The following PKN3 variants were observed in gnomAD, a reference collection of about 807,000 sequenced individuals.
PKN3 encodes the protein protein kinase N3.
In PKN3, 91 loss-of-function variants were observed where a neutral mutation model predicts 113.1. The observed-to-expected ratio is 0.80, with a 90% confidence interval of 0.68 to 0.96. The LOEUF (loss-of-function observed/expected upper bound fraction) is 0.96, where lower values mean the gene tolerates loss of function less well. Ranked by LOEUF, PKN3 falls within the 40% of genes least tolerant of loss-of-function variation. PKN3 has a pLI of 0.00. For synonymous variants in PKN3, 467 were observed against 499.0 expected (o/e 0.94, Z 0.85); for missense variants, 1,052 against 1,202.2 (o/e 0.88, Z 1.85).
chr9:128,712,398 C>CAACGG (rs1434067610), intron 6 of PKN3, among the ~76,000 whole-genome samples: 1 of 152,190 alleles, frequency 6.6e-6, no homozygotes, highest in Non-Finnish European at 1.5e-5. Context: ...AGTGACGTGA[C>CAACGG]ACATGAACTT....
chr9:128,703,586 T>A, intron 1 of PKN3: 1 of 984,240 alleles, frequency 1.0e-6, no homozygotes, highest in South Asian at 4.7e-5. Context: ...GAGGGAGAGG[T>A]GGTGTCCTGT....
rs545706908 is a variant in PKN3 at position 128,715,740 on chromosome 9, G to A, written c.1808+280G>A. Among the ~76,000 whole-genome samples, 72 of 152,278 alleles carry A rather than the reference G, an allele frequency of 4.7e-4. 1 individual carries two copies. The highest frequency in any genetic ancestry group is 3.4e-3 in the Middle Eastern group (1 of 294). On this transcript the variant is annotated intron_variant, in intron 15 of 21. Coordinates refer to ENST00000291906, the MANE Select transcript of PKN3 (RefSeq NM_013355.5). This position sits in a 1 kb window ranked among gnomAD's most constrained non-coding sequence, Gnocchi z 4.1. Reference sequence around the variant, plus strand: ...AGAAACCATCACTCTATGGCCAGGCGTGGTAACTCATGCATGTAACCCCAG... The same window carrying A: ...AGAAACCATCACTCTATGGCCAGGCATGGTAACTCATGCATGTAACCCCAG...
intron 6 of PKN3, 37 bp from the exon 7 acceptor site, chr9:128,713,015 G>A: frequency 6.4e-7 from 1 of 1,557,862 alleles, no homozygotes; most frequent in South Asian, 1.2e-5. Flanking sequence ...GTGGGAAGAT[G>A]GCATCTGACA....
Position 128,720,183 on chromosome 9 carries a change from G to A in PKN3, c.2377-20G>A, listed in dbSNP as rs752828538. 3 of 1,610,492 alleles carry A rather than the reference G, an allele frequency of 1.9e-6. No individual in the cohort carries two copies. In the Admixed American group the frequency reaches 5.0e-5, roughly 27 times the overall value. On this transcript the variant is annotated intron_variant, in intron 20 of 21. Transcript: ENST00000291906. This position sits in a 1 kb window ranked among gnomAD's most constrained non-coding sequence, Gnocchi z 5.5. The stretch of plus-strand genomic sequence containing the variant: ...GCCTGGGGCTGAATGCCCTAAGTGA[G>A]CGCCTGTCCTATTGCCCAGCTCCTC...
At chr9:128,718,999 G>A (rs1862435638) in intron 18 of PKN3, among the ~76,000 whole-genome samples, 1 of 150,352 alleles carries the variant, frequency 6.7e-6, no homozygotes, top group African/African-American at 2.4e-5. Context: ...GGGTTCAAGC[G>A]ATTCTCTTGC....
Position 128,714,260 on chromosome 9 carries a change from T to C in PKN3, c.1376T>C (p.Met459Thr). 2 of 1,613,890 alleles carry C rather than the reference T, an allele frequency of 1.2e-6. No individual in the cohort carries two copies. Among genetic ancestry groups the C allele is most frequent in the Non-Finnish European group, 1.7e-6 (2 of 1,179,916 alleles). ...ATGGCGGCCTGGGGGCGCCTCGTCATGAACCTGCTGCCCCCCTGCAGCTCC... is the reference window on the plus strand; with the variant it reads ...ATGGCGGCCTGGGGGCGCCTCGTCACGAACCTGCTGCCCCCCTGCAGCTCC... ...LGMAAWGRLV[M>T]NLLPPCSSPS... Residue 459 changes from methionine to threonine, a missense_variant, in exon 11 of 22, where the codon ATG becomes ACG. Transcript: ENST00000291906.
At position 128,714,865 on chromosome 9, in the gene PKN3, G is replaced by T. The variant is rs770109358; in HGVS notation, c.1652G>T (p.Arg551Met). ...RGPSPPASPT[R>M]KPPRLQDFRC... ...CCATCTCCACCAGCCTCCCCCACCA[G>T]GTACCCCATCCTGCGCACCTTCATG... Residue 551 changes from arginine to methionine, a missense_variant and splice_region_variant, in exon 13 of 22, where the codon AGG becomes ATG. Coordinates refer to ENST00000291906, the MANE Select transcript of PKN3 (RefSeq NM_013355.5). 1.2e-6 allele frequency: 2 copies of T among 1,613,668 alleles called. No individual in the cohort carries two copies. The highest frequency in any genetic ancestry group is 4.5e-5 in the East Asian group (2 of 44,852).
chr9:128,718,461 T>C, intron 17 of PKN3, 74 bp downstream of exon 17: 4 of 1,581,134 alleles, frequency 2.5e-6, no homozygotes, highest in Non-Finnish European at 3.5e-6. Context: ...AGATGCTGCC[T>C]CCGCCTGCCT....
chr9:128,714,946 C>T, intron 13 of PKN3, 81 bp downstream of exon 13: 2 of 1,352,178 alleles, frequency 1.5e-6, no homozygotes, highest in Non-Finnish European at 2.1e-6. Flanking sequence ...TACATTACTC[C>T]CTGGCTCCCT....
intron 18 of PKN3, 127 bp from the exon 19 acceptor site, chr9:128,719,559 C>A: frequency 2.1e-6 from 2 of 953,454 alleles, no homozygotes; most frequent in Non-Finnish European, 3.1e-6. Flanking sequence ...CATAACCATT[C>A]CCACTTCCTT....
chr9:128,702,902 G>A lies in PKN3; in HGVS notation c.-14G>A. The A allele has an allele frequency of 6.7e-7, 1 of 1,485,078 alleles. No homozygotes were observed. The allele number at this position is 1,485,078 out of a possible 1,614,324, so 92.0% of individuals were successfully genotyped here. A position where few individuals can be genotyped will look rare whatever the true frequency, so the allele number is the denominator to read the frequency against. ...GTGGCTGAGAGAAGGGCCCCAAGCG[G>A]CCGGAGCGGCGCCATGGAGGAGGGG... On this transcript the variant is annotated 5_prime_UTR_variant, in exon 1 of 22. Transcript: ENST00000291906.
At chr9:128,719,017 G>T (rs1196947872) in intron 18 of PKN3, among the ~76,000 whole-genome samples, 2 of 149,118 alleles carry the variant, frequency 1.3e-5, no homozygotes, top group Non-Finnish European at 3.0e-5. Context: ...TGCCTCAGCA[G>T]CCCAAGTAGC....
chr9:128,708,716 G>A (rs1015749044), intron 6 of PKN3, among the ~76,000 whole-genome samples: 1 of 151,868 alleles, frequency 6.6e-6, no homozygotes, highest in African/African-American at 2.4e-5. Context: ...GGTGGCGCAT[G>A]CCTGTAATCC....
Position 128,707,396 on chromosome 9 carries a change from G to A in PKN3, c.826G>A (p.Ala276Thr), listed in dbSNP as rs746666401. ...TTCAGGGACACCTGTGAAGCCCACC[G>A]CCCTAACAGGTAGTCAGAAGTTCCT... ...QPSGTPVKPTALTGTLQVRLL... is the reference protein window; with the variant it reads ...QPSGTPVKPTTLTGTLQVRLL... Residue 276 changes from alanine (A) to threonine (T), a missense_variant, in exon 6 of 22, where the codon GCC becomes ACC. By Grantham distance (58) the Ala-to-Thr change is moderately conservative. Transcript: ENST00000291906. The A allele has an allele frequency of 1.6e-5, 25 of 1,603,234 alleles. 1 individual carries two copies. The highest frequency in any genetic ancestry group is 7.7e-5 in the South Asian group (7 of 90,738).
intron 3 of PKN3, 54 bp from the exon 4 acceptor site, chr9:128,706,659 G>A: frequency 1.5e-6 from 2 of 1,326,166 alleles, no homozygotes; most frequent in Non-Finnish European, 2.0e-6. Flanking sequence ...CTGGTCTGAT[G>A]GGGGAAGCTG....
chr9:128,707,293 G>A lies in PKN3; in HGVS notation c.723G>A (p.Glu241=), dbSNP rs751642292. 1.2e-6 allele frequency: 2 copies of A among 1,613,870 alleles called. No homozygotes were observed. Among genetic ancestry groups the A allele is most frequent in the South Asian group, 1.1e-5 (1 of 91,076 alleles). ...GCCTGGCCTTGGAGCAGCTGCTGGA[G>A]CAACTGCCTCCTGCCCACCCTTTGC... The part of the protein sequence containing the change: ...LLRLALEQLL[E]QLPPAHPLRS... Residue 241 remains glutamate (E), a synonymous_variant, in exon 6 of 22, where the codon GAG becomes GAA. Transcript: ENST00000291906.
chr9:128,709,413 C>T (rs867176403), intron 6 of PKN3, among the ~76,000 whole-genome samples: 93 of 150,212 alleles, frequency 6.2e-4, no homozygotes, highest in Non-Finnish European at 4.1e-4. Context: ...GAGCCATGAT[C>T]GCGCCACTGC....
Position 128,706,992 on chromosome 9 carries a change from G to A in PKN3, c.620G>A (p.Arg207Gln), listed in dbSNP as rs560984157. 38 of 1,614,196 alleles carry A rather than the reference G, an allele frequency of 2.4e-5. No individual in the cohort carries two copies. The highest frequency in any genetic ancestry group is 1.5e-4 in the South Asian group (14 of 91,076). ...AACGTGGTGAAACTGCTTAGTAGCC[G>A]GAGAACACAGGACCGCAAGGCACTG... ...AKNVVKLLSSRRTQDRKALAE... is the reference protein window; with the variant it reads ...AKNVVKLLSSQRTQDRKALAE... Residue 207 changes from arginine (R) to glutamine (Q), a missense_variant, in exon 5 of 22, where the codon CGG becomes CAG. Physicochemically the swap from Arg to Gln is conservative, Grantham distance 43. Around this residue, in one of 2 missense-constraint regions of PKN3, gnomAD observed 719 missense variants for 759.4 expected, o/e 0.95. Coordinates refer to ENST00000291906, the MANE Select transcript of PKN3 (RefSeq NM_013355.5).
chr9:128,703,300 A>T (rs1861909639), intron 1 of PKN3: 2 of 896,318 alleles, frequency 2.2e-6, no homozygotes, highest in South Asian at 1.0e-4. Context: ...ATTAGCCGGG[A>T]TAGAAAGGCG....
Sources: allele counts gnomAD v4.1 joint callset (sites outside exome capture counted in the v4.1 genomes callset), GRCh38; gene constraint gnomAD v4.1.1; regional missense constraint gnomAD v4.1.1; non-coding constraint Gnocchi (gnomAD v3.1); transcripts MANE v1.5; gene names NCBI Gene and HGNC (gene_info 2026-07-23, HGNC 2026-07-21).